Variants in INSL6 observed in about 807,000 individuals in gnomAD.
The protein encoded by INSL6 is insulin like 6, also known as insulin-like peptide INSL6.
In INSL6, 16 loss-of-function variants were observed where a neutral mutation model predicts 9.4. The ratio of observed to expected loss-of-function variants is 1.70; its 90% CI spans 1.15 to 2.59. The LOEUF (loss-of-function observed/expected upper bound fraction) is 2.59, where lower values mean the gene tolerates loss of function less well. Ranked by LOEUF, INSL6 falls within the 30% of genes most tolerant of loss-of-function variation. The pLI is 0.00. For synonymous variants in INSL6, 154 were observed against 96.9 expected, an observed-to-expected ratio of 1.59 and a Z score of -3.46; for missense variants, 391 against 257.3, an observed-to-expected ratio of 1.52 and a Z score of -3.56.
the INSL6 span, among the ~76,000 whole-genome samples, chr9:5,105,673 G>A: frequency 6.6e-6 from 1 of 152,096 alleles, no homozygotes; most frequent in Non-Finnish European, 1.5e-5. Flanking sequence ...TATACTACAA[G>A]GCTACCGTAA....
the INSL6 span, among the ~76,000 whole-genome samples, chr9:5,035,554 G>C: frequency 1.3e-4 from 20 of 152,276 alleles, no homozygotes; most frequent in South Asian, 6.2e-4. Context: ...TGGGCTTCAT[G>C]CCTGGGATGC....
At chr9:5,054,954 T>G in the INSL6 span, 1 of 1,192,690 alleles carries the variant, frequency 8.4e-7, no homozygotes, top group Non-Finnish European at 1.2e-6. The surrounding 1 kb of genome is among the most constrained non-coding windows in gnomAD (Gnocchi z 4.9). Flanking sequence ...AAAGTAATTT[T>G]AATCATTTGC....
intron 2 of INSL6, among the ~76,000 whole-genome samples, chr9:5,146,757 A>T (rs1824607701): frequency 3.3e-5 from 5 of 152,190 alleles, no homozygotes; most frequent in Admixed American, 3.3e-4. Context: ...AAAGCAATGT[A>T]GGCAGTTGTG....
chr9:5,010,330 CT>C, the INSL6 span, among the ~76,000 whole-genome samples: 201 of 144,046 alleles, frequency 1.4e-3, no homozygotes, highest in Non-Finnish European at 1.5e-3. Flanking sequence ...TGTCAGTTGT[CT>C]TTTTTTTTTT....
At chr9:5,108,033 C>T in the INSL6 span, 1 of 152,234 alleles carries the variant, frequency 6.6e-6, no homozygotes, top group Non-Finnish European at 1.5e-5. Flanking sequence ...TCAGCCTCAT[C>T]ACCCTATTGT....
the INSL6 span, among the ~76,000 whole-genome samples, chr9:5,103,764 C>CA: frequency 1.1e-3 from 171 of 152,268 alleles, no homozygotes; most frequent in Non-Finnish European, 2.1e-3. Flanking sequence ...CTAAGAAACT[C>CA]ACTCAAAACC....
At chr9:5,148,736 C>A (rs560206531) in intron 2 of INSL6, among the ~76,000 whole-genome samples, 1 of 152,174 alleles carries the variant, frequency 6.6e-6, no homozygotes, top group Non-Finnish European at 1.5e-5. Context: ...GGCACCAGGA[C>A]CTGCTCGTGG....
downstream of INSL6, among the ~76,000 whole-genome samples, chr9:5,118,917 T>G (rs907632388): frequency 1.3e-5 from 2 of 152,224 alleles, no homozygotes; most frequent in African/African-American, 4.8e-5. Context: ...GTTCATCTGT[T>G]TTCTCAATTT....
the INSL6 span, among the ~76,000 whole-genome samples, chr9:5,087,408 CAT>C: frequency 1.3e-5 from 2 of 152,178 alleles, no homozygotes; most frequent in Non-Finnish European, 2.9e-5. Flanking sequence ...CTTCCAATGA[CAT>C]GTGGGGATTA....
rs140796086 is a variant in INSL6 at position 5,135,090 on chromosome 9, G to T, written c.377-1498C>A. Among the ~76,000 whole-genome samples the T allele has an allele frequency of 3.9e-3, 590 of 152,138 alleles. 10 individuals carry two copies. The highest frequency in any genetic ancestry group is 0.032 in the East Asian group (166 of 5,172). Reference sequence around the variant, plus strand: ...AACGAAGATCAAGAGACAAAGAAGGGCATTATATAATGGTAAAGGGAATCA... The same window carrying T: ...AACGAAGATCAAGAGACAAAGAAGGTCATTATATAATGGTAAAGGGAATCA... On this transcript the variant is annotated intron_variant, in intron 2 of 3. Transcript: ENST00000649639.
At chr9:5,012,828 G>C in the INSL6 span, among the ~76,000 whole-genome samples, 1 of 152,100 alleles carries the variant, frequency 6.6e-6, no homozygotes, top group African/African-American at 2.4e-5. Flanking sequence ...ACAGATAATG[G>C]AATTTTAGTC....
the INSL6 span, among the ~76,000 whole-genome samples, chr9:5,083,970 A>T: frequency 2.4e-4 from 36 of 151,794 alleles, no homozygotes; most frequent in Middle Eastern, 3.2e-3. Flanking sequence ...CATTATTAAT[A>T]TTCTTTTGAG....
the INSL6 span, among the ~76,000 whole-genome samples, chr9:5,062,293 C>T: frequency 6.6e-6 from 1 of 151,736 alleles, no homozygotes; most frequent in Non-Finnish European, 1.5e-5. Flanking sequence ...TAACTAATCC[C>T]CCTTGTATTC....
the INSL6 span, among the ~76,000 whole-genome samples, chr9:5,046,580 C>A: frequency 6.6e-6 from 1 of 152,246 alleles, no homozygotes; most frequent in East Asian, 1.9e-4. Context: ...TTTTGTCTAT[C>A]GTGAAGGTAA....
chr9:5,113,452 C>CT, the INSL6 span: 1 of 144,300 alleles, frequency 6.9e-6, no homozygotes, highest in South Asian at 2.2e-4. Flanking sequence ...AAAAAAAACC[C>CT]GGACTGACCT....
intron 1 of INSL6, 33 bp downstream of exon 1, chr9:5,185,281 G>A: frequency 6.2e-7 from 1 of 1,613,634 alleles, no homozygotes; most frequent in Non-Finnish European, 8.5e-7. Context: ...ATATACAGAG[G>A]TGAACAAACA....
chr9:5,041,868 G>A, the INSL6 span: 2 of 456,252 alleles, frequency 4.4e-6, no homozygotes, highest in Non-Finnish European at 4.3e-6. Context: ...CCCCATGGCC[G>A]GCCACTCCAG....
chr9:5,185,347 C>T lies in INSL6; in HGVS notation c.256G>A (p.Ala86Thr). ...GTGCCTCTTCCCCGGGCCGGGGAAGCGGTTTGCGGGCTTTCGAACTGGTAT... is the reference window on the plus strand; with the variant it reads ...GTGCCTCTTCCCCGGGCCGGGGAAGTGGTTTGCGGGCTTTCGAACTGGTAT... Reference protein sequence around the residue: ...SPYQFESPQTASPARGRGTNP... With the variant: ...SPYQFESPQTTSPARGRGTNP... The change falls in exon 1 of 2, where the codon GCT becomes ACT. Residue 86 changes from alanine to threonine, a missense_variant. Coordinates refer to ENST00000381641, the MANE Select transcript of INSL6 (RefSeq NM_007179.3). The T allele has an allele frequency of 1.2e-6, 2 of 1,614,116 alleles. No individual in the cohort carries two copies. The highest frequency in any genetic ancestry group is 1.1e-5 in the South Asian group (1 of 91,060).
the INSL6 span, chr9:5,029,849 C>G: frequency 6.2e-7 from 1 of 1,611,104 alleles, no homozygotes; most frequent in Admixed American, 1.7e-5. Context: ...TGGTATCCAC[C>G]CAACCATGTC....
Sources: gnomAD v4.1 joint callset for allele counts (sites outside exome capture counted in the v4.1 genomes callset) on GRCh38, gnomAD v4.1.1 for gene constraint, Gnocchi (gnomAD v3.1) non-coding constraint, MANE v1.5 for transcripts, NCBI Gene and HGNC (gene_info 2026-07-23, HGNC 2026-07-21) for gene names.